Variants in SPOCK3 observed in about 807,000 individuals in gnomAD.
SPOCK3 encodes SPARC (osteonectin), cwcv and kazal like domains proteoglycan 3.
A neutral mutation model predicts 56.6 loss-of-function variants in SPOCK3; 30 were observed. That is an observed-to-expected ratio of 0.53 (90% CI 0.40 to 0.72). SPOCK3 has a LOEUF of 0.72. Ranked by LOEUF, SPOCK3 falls within the 30% of genes least tolerant of loss-of-function variation. SPOCK3 has a pLI of 0.00. For synonymous variants in SPOCK3, 196 were observed against 183.3 expected, an observed-to-expected ratio of 1.07 and a Z score of -0.56; for missense variants, 527 against 530.0, an observed-to-expected ratio of 0.99 and a Z score of 0.06.
chr4:167,056,689 A>T (rs1300327152), intron 3 of SPOCK3, among the ~76,000 whole-genome samples: 1 of 152,194 alleles, frequency 6.6e-6, no homozygotes, highest in Non-Finnish European at 1.5e-5. Flanking sequence ...GGTATCAGTG[A>T]TGGAAGATGA....
At chr4:166,948,787 A>T (rs1484499680) in intron 4 of SPOCK3, among the ~76,000 whole-genome samples, 1 of 151,874 alleles carries the variant, frequency 6.6e-6, no homozygotes, top group Non-Finnish European at 1.5e-5. Context: ...TTTTTCCTTC[A>T]TTTCAACTTT....
intron 6 of SPOCK3, among the ~76,000 whole-genome samples, chr4:166,840,095 G>A (rs1036860787): frequency 1.3e-5 from 2 of 152,200 alleles, no homozygotes; most frequent in African/African-American, 4.8e-5. Context: ...TCCCAATGCA[G>A]AATTCCCAGT....
At chr4:167,066,058 A>C (rs1300658287) in intron 2 of SPOCK3, among the ~76,000 whole-genome samples, 3 of 151,854 alleles carry the variant, frequency 2.0e-5, no homozygotes, top group Non-Finnish European at 4.4e-5. Flanking sequence ...AGAAATAATA[A>C]CTATAAGTTT....
At chr4:166,835,744 C>T (rs1746540221) in intron 6 of SPOCK3, among the ~76,000 whole-genome samples, 1 of 152,284 alleles carries the variant, frequency 6.6e-6, no homozygotes, top group Non-Finnish European at 1.5e-5. Flanking sequence ...CATGGTGGCT[C>T]ACGCCAGCAC....
intron 4 of SPOCK3, among the ~76,000 whole-genome samples, chr4:166,997,765 G>T (rs967653209): frequency 6.6e-6 from 1 of 152,154 alleles, no homozygotes; most frequent in Non-Finnish European, 1.5e-5. Flanking sequence ...ATATTGTATT[G>T]GGAAGAGGAG....
intron 3 of SPOCK3, among the ~76,000 whole-genome samples, chr4:167,058,426 A>T (rs1381410970): frequency 6.6e-6 from 1 of 152,198 alleles, no homozygotes; most frequent in Non-Finnish European, 1.5e-5. Flanking sequence ...TAAAATACCT[A>T]GGAATCCAAC....
At chr4:167,185,846 T>C (rs181217392) in intron 2 of SPOCK3, among the ~76,000 whole-genome samples, 1 of 152,328 alleles carries the variant, frequency 6.6e-6, no homozygotes, top group African/African-American at 2.4e-5. Flanking sequence ...AAATATTATT[T>C]CATTTCTTTC....
chr4:166,744,565 G>A (rs1160637470), intron 8 of SPOCK3, among the ~76,000 whole-genome samples: 5 of 151,984 alleles, frequency 3.3e-5, no homozygotes, highest in African/African-American at 9.7e-5. Flanking sequence ...CTAAAAACCA[G>A]AGCGCCTATT....
intron 4 of SPOCK3, among the ~76,000 whole-genome samples, chr4:166,921,351 G>C (rs1035101862): frequency 6.9e-6 from 1 of 144,474 alleles, no homozygotes; most frequent in Non-Finnish European, 1.5e-5. Flanking sequence ...TTGAGACTGA[G>C]TCTTACACTA....
chr4:166,962,225 T>C (rs1000133866), intron 4 of SPOCK3, among the ~76,000 whole-genome samples: 3 of 152,156 alleles, frequency 2.0e-5, no homozygotes, highest in Admixed American at 6.6e-5. Flanking sequence ...ACATGTAAGA[T>C]ATTCACAAGT....
intron 6 of SPOCK3, among the ~76,000 whole-genome samples, chr4:166,807,132 G>A (rs1011395692): frequency 6.6e-6 from 1 of 151,992 alleles, no homozygotes; most frequent in African/African-American, 2.4e-5. Context: ...AGATAAATGA[G>A]AATTCAGCCA....
intron 5 of SPOCK3, among the ~76,000 whole-genome samples, chr4:166,897,931 T>C (rs1477209835): frequency 6.6e-6 from 1 of 152,190 alleles, no homozygotes; most frequent in Non-Finnish European, 1.5e-5. Flanking sequence ...GGCTTATGCC[T>C]GTAATCCCAG....
chr4:166,852,747 G>A (rs553843592), intron 6 of SPOCK3, among the ~76,000 whole-genome samples: 1 of 152,242 alleles, frequency 6.6e-6, no homozygotes, highest in East Asian at 1.9e-4. Context: ...CCAAATCTAG[G>A]AACTTCATTC....
At chr4:167,130,265 C>A (rs1762599250) in intron 2 of SPOCK3, among the ~76,000 whole-genome samples, 1 of 151,892 alleles carries the variant, frequency 6.6e-6, no homozygotes, top group Non-Finnish European at 1.5e-5. Flanking sequence ...TGTACCCAGG[C>A]AAATCAAATA....
intron 2 of SPOCK3, among the ~76,000 whole-genome samples, chr4:167,106,065 G>T (rs1046469006): frequency 4.0e-5 from 6 of 151,842 alleles, no homozygotes; most frequent in Non-Finnish European, 1.5e-5. Flanking sequence ...GCACTGGACA[G>T]ATCTCCCAGA....
chr4:167,031,543 G>A (rs1259800671), intron 3 of SPOCK3, among the ~76,000 whole-genome samples: 1 of 151,996 alleles, frequency 6.6e-6, no homozygotes, highest in Non-Finnish European at 1.5e-5. Flanking sequence ...TAAGTGAACA[G>A]GGCAGAAAAG....
At chr4:167,131,218 GAATTA>G (rs757417795) in intron 2 of SPOCK3, among the ~76,000 whole-genome samples, 6 of 151,382 alleles carry the variant, frequency 4.0e-5, no homozygotes, top group Non-Finnish European at 8.8e-5. Flanking sequence ...ATCACATTAA[GAATTA>G]AATTATTAAA....
intron 7 of SPOCK3, among the ~76,000 whole-genome samples, chr4:166,768,547 A>G (rs556395980): frequency 1.6e-4 from 25 of 152,286 alleles, no homozygotes; most frequent in African/African-American, 5.3e-4. Context: ...AGCTTCTGTC[A>G]AGAGATCTGC....
At chr4:167,217,610 G>A (rs528275368) in intron 2 of SPOCK3, among the ~76,000 whole-genome samples, 2 of 151,932 alleles carry the variant, frequency 1.3e-5, no homozygotes, top group South Asian at 2.1e-4. Flanking sequence ...GACTGTATAT[G>A]AAAATATTTC....
Sources: gnomAD v4.1 joint callset for allele counts (sites outside exome capture counted in the v4.1 genomes callset) on GRCh38, gnomAD v4.1.1 for gene constraint, MANE v1.5 for transcripts, NCBI Gene and HGNC (gene_info 2026-07-23, HGNC 2026-07-21) for gene names.